Variants in STK32B observed in about 807,000 individuals in gnomAD.
STK32B encodes the protein serine/threonine-protein kinase 32B.
STK32B carries 43 observed loss-of-function variants against 52.6 expected under a neutral mutation model. The ratio of observed to expected loss-of-function variants is 0.82; its 90% CI spans 0.64 to 1.05. The LOEUF is 1.05. STK32B is among the 50% of genes least tolerant of loss of function. The probability of loss-of-function intolerance (pLI) is 0.00; values close to 1 mark genes in which losing one functional copy is unlikely to be tolerated. For missense variants in STK32B, 621 were observed against 534.6 expected (o/e 1.16, Z -1.59); for synonymous variants, 238 against 204.3 (o/e 1.17, Z -1.41).
chr4:5,336,985 G>A (rs1732746705), intron 4 of STK32B, among the ~76,000 whole-genome samples: 1 of 152,042 alleles, frequency 6.6e-6, no homozygotes, highest in African/African-American at 2.4e-5. Context: ...TTTTGTTTTT[G>A]TTTTCTGTTT....
intron 1 of STK32B, among the ~76,000 whole-genome samples, chr4:5,087,562 A>G (rs926723564): frequency 6.6e-6 from 1 of 152,060 alleles, no homozygotes; most frequent in African/African-American, 2.4e-5. Flanking sequence ...TTAAATTCCA[A>G]GGGACAAATA....
At chr4:5,411,611 G>T (rs538116023) in intron 5 of STK32B, among the ~76,000 whole-genome samples, 1 of 152,220 alleles carries the variant, frequency 6.6e-6, no homozygotes, top group South Asian at 2.1e-4. Flanking sequence ...TATATAAAAG[G>T]CTTGACTGTC....
chr4:5,420,905 T>G (rs892515558), intron 6 of STK32B, among the ~76,000 whole-genome samples: 1 of 151,950 alleles, frequency 6.6e-6, no homozygotes, highest in Non-Finnish European at 1.5e-5. Context: ...TTTTGTTTTG[T>G]TTTGTTTTTT....
chr4:5,328,047 C>T (rs530656935), intron 3 of STK32B, among the ~76,000 whole-genome samples: 1 of 152,190 alleles, frequency 6.6e-6, no homozygotes, highest in Non-Finnish European at 1.5e-5. Context: ...CATGAACCAA[C>T]CTTTGCTAGC....
At position 5,246,540 on chromosome 4, in the gene STK32B, A is replaced by G. The variant is rs151292812; in HGVS notation, c.260+78090A>G. Among the ~76,000 whole-genome samples the G allele has an allele frequency of 2.0e-3, 302 of 152,172 alleles. 1 individual carries two copies. Among genetic ancestry groups the G allele is most frequent in the African/African-American group, 6.9e-3 (287 of 41,490 alleles). ...CAAACTTCCTCCTTTAGCTCGGAGT[A>G]GTTTGATCTTCTGCAGCCTTCCTCT... On this transcript the variant is annotated intron_variant, in intron 3 of 11. Coordinates refer to ENST00000282908, the MANE Select transcript of STK32B (RefSeq NM_018401.3).
chr4:5,449,775 C>G (rs1345530831), intron 7 of STK32B, among the ~76,000 whole-genome samples: 1 of 152,184 alleles, frequency 6.6e-6, no homozygotes, highest in African/African-American at 2.4e-5. Flanking sequence ...CTCTTGTGAA[C>G]TGTGCATGCG....
At chr4:5,052,749 G>A (rs568460281) in intron 1 of STK32B, among the ~76,000 whole-genome samples, 38 of 152,278 alleles carry the variant, frequency 2.5e-4, no homozygotes, top group African/African-American at 9.1e-4. Context: ...GCAGTACCGA[G>A]CTGTGCCGTT....
At chr4:5,411,802 G>T (rs1219556978) in intron 5 of STK32B, among the ~76,000 whole-genome samples, 1 of 151,968 alleles carries the variant, frequency 6.6e-6, no homozygotes. Context: ...ACTGGACTTT[G>T]CAACTGTGGG....
In STK32B at chr4:5,066,187, A is replaced by G. The variant is rs77563811; in HGVS notation, c.52+14272A>G. Among the ~76,000 whole-genome samples, 11 of 152,318 alleles carry G rather than the reference A, an allele frequency of 7.2e-5. No homozygotes were observed. The East Asian group carries it at 2.1e-3, about 29-fold the overall frequency. On this transcript the variant is annotated intron_variant, in intron 1 of 11. Coordinates refer to ENST00000282908, the MANE Select transcript of STK32B (RefSeq NM_018401.3). ...TCCAGAATTTCCTAGTTTAGTGTAT[A>G]GTGTCATTATCCCTTCAGTTACAGA...
At chr4:5,360,284 C>G (rs1734461174) in intron 4 of STK32B, among the ~76,000 whole-genome samples, 1 of 152,148 alleles carries the variant, frequency 6.6e-6, no homozygotes, top group Non-Finnish European at 1.5e-5. Flanking sequence ...CCATGCCAAC[C>G]TGAAAAGCAC....
chr4:5,470,515 C>T lies in STK32B; in HGVS notation c.1106+2445C>T, dbSNP rs1292041693. On this transcript the variant is annotated intron_variant, in intron 11 of 11. Coordinates refer to ENST00000282908, the MANE Select transcript of STK32B (RefSeq NM_018401.3). This position sits in a 1 kb window ranked among gnomAD's most constrained non-coding sequence, Gnocchi z 4.6. ...GCTTACCTAAGTGCTTCCTCTGCGG[C>T]CCTGATGGCTGATAGGCTTCCTGTC... 6.6e-6 allele frequency among the ~76,000 whole-genome samples: 1 copy of T among 152,150 alleles called. No individual in the cohort carries two copies. Among genetic ancestry groups the T allele is most frequent in the African/African-American group, 2.4e-5 (1 of 41,434 alleles).
intron 11 of STK32B, among the ~76,000 whole-genome samples, chr4:5,468,951 G>A (rs1440909505): frequency 6.6e-6 from 1 of 151,950 alleles, no homozygotes; most frequent in Non-Finnish European, 1.5e-5. Flanking sequence ...TCGGGAGGCT[G>A]AGGCAGGAGA....
chr4:5,027,042 C>T, the STK32B span, among the ~76,000 whole-genome samples: 1 of 152,212 alleles, frequency 6.6e-6, no homozygotes, highest in Non-Finnish European at 1.5e-5. Context: ...ATCAAGCTGA[C>T]AGCCAGGAGG....
At chr4:5,347,203 C>T (rs904165644) in intron 4 of STK32B, among the ~76,000 whole-genome samples, 1 of 152,176 alleles carries the variant, frequency 6.6e-6, no homozygotes, top group African/African-American at 2.4e-5. Flanking sequence ...GAAAGCTCTA[C>T]AGTTAGAAGC....
At chr4:5,361,439 G>A (rs1282044204) in intron 4 of STK32B, among the ~76,000 whole-genome samples, 1 of 151,896 alleles carries the variant, frequency 6.6e-6, no homozygotes, top group African/African-American at 2.4e-5. Flanking sequence ...TGGCATGATC[G>A]TGGCTCGCTG....
chr4:5,196,333 A>ATTT (rs1721654745), intron 3 of STK32B, among the ~76,000 whole-genome samples: 5 of 61,988 alleles, frequency 8.1e-5, no homozygotes, highest in African/African-American at 3.4e-4. Flanking sequence ...TTCTTTCTTC[A>ATTT]GTTTTTTTTT....
In STK32B at chr4:5,456,721, T is replaced by A. The variant is rs377736391; in HGVS notation, c.667-86T>A. On this transcript the variant is annotated intron_variant, in intron 7 of 11. Coordinates refer to ENST00000282908, the MANE Select transcript of STK32B (RefSeq NM_018401.3). ...TTACTTGAAGAGGAAGAATAAACCA[T>A]CCCTCATAATCATACAATCTTAAAA... 8.1e-5 allele frequency: 95 copies of A among 1,176,654 alleles called. 1 individual carries two copies. The East Asian group carries it at 1.9e-3, about 24-fold the overall frequency. The allele number at this position is 1,176,654 out of a possible 1,614,324, so 72.9% of individuals were successfully genotyped here. A position where few individuals can be genotyped will look rare whatever the true frequency, so the allele number is the denominator to read the frequency against.
upstream of STK32B, among the ~76,000 whole-genome samples, chr4:5,050,425 T>C (rs1455031920): frequency 6.6e-6 from 1 of 152,072 alleles, no homozygotes; most frequent in African/African-American, 2.4e-5. Context: ...TGTTTTGTTT[T>C]GTTTTGTTTT....
At chr4:5,334,666 A>G (rs941104811) in intron 4 of STK32B, among the ~76,000 whole-genome samples, 4 of 150,906 alleles carry the variant, frequency 2.7e-5, no homozygotes, top group African/African-American at 9.9e-5. Context: ...TACCTAATTT[A>G]TTGAGAGTTT....
Sources: gnomAD v4.1 joint callset for allele counts (sites outside exome capture counted in the v4.1 genomes callset) on GRCh38, gnomAD v4.1.1 for gene constraint, Gnocchi (gnomAD v3.1) non-coding constraint, MANE v1.5 for transcripts, NCBI Gene and HGNC (gene_info 2026-07-23, HGNC 2026-07-21) for gene names.